TSHZ3: variants seen among roughly 807,000 people sequenced by gnomAD.
The protein encoded by TSHZ3 is teashirt zinc finger homeobox 3.
A neutral mutation model predicts 64.5 loss-of-function variants in TSHZ3; 10 were observed. The ratio of observed to expected loss-of-function variants is 0.16; its 90% CI spans 0.10 to 0.26. TSHZ3 has a LOEUF of 0.26. TSHZ3 is among the 10% of genes least tolerant of loss of function. The pLI, the probability that TSHZ3 is intolerant of heterozygous loss-of-function variation, is 1.00. For synonymous variants in TSHZ3, 608 were observed against 593.1 expected (o/e 1.03, Z -0.36); for missense variants, 1,242 against 1,421.7 (o/e 0.87, Z 2.03).
At chr19:31,305,210 T>A (rs1028596541) in intron 1 of TSHZ3, among the ~76,000 whole-genome samples, 3 of 151,224 alleles carry the variant, frequency 2.0e-5, no homozygotes, top group African/African-American at 7.3e-5. Flanking sequence ...ACACCACAAA[T>A]CTGACTATTA....
At chr19:31,311,809 C>T (rs1245413209) in intron 1 of TSHZ3, among the ~76,000 whole-genome samples, 2 of 152,140 alleles carry the variant, frequency 1.3e-5, no homozygotes, top group Non-Finnish European at 2.9e-5. Flanking sequence ...CTGCAGCCTC[C>T]ACCTCCCGGG....
intron 1 of TSHZ3, among the ~76,000 whole-genome samples, chr19:31,249,602 G>A (rs1468743292): frequency 1.3e-5 from 2 of 152,170 alleles, no homozygotes; most frequent in South Asian, 2.1e-4. Flanking sequence ...GAATTCCTCA[G>A]GCAGTTTAAC....
intron 1 of TSHZ3, among the ~76,000 whole-genome samples, chr19:31,337,415 G>A (rs1917281850): frequency 6.6e-6 from 1 of 152,304 alleles, no homozygotes; most frequent in South Asian, 2.1e-4. Context: ...CAGTAAAAAT[G>A]GGATGATGGC....
At chr19:31,226,580 C>T (rs1188340124) in intron 4 of TSHZ3, among the ~76,000 whole-genome samples, 3 of 152,098 alleles carry the variant, frequency 2.0e-5, no homozygotes, top group East Asian at 1.9e-4. Flanking sequence ...TTATCAGCAG[C>T]GTGAAAATGG....
At chr19:31,347,620 G>C (rs2021556191) in intron 1 of TSHZ3, among the ~76,000 whole-genome samples, 1 of 152,138 alleles carries the variant, frequency 6.6e-6, no homozygotes, top group Non-Finnish European at 1.5e-5. Flanking sequence ...GCAAGCTCCA[G>C]GAGGTTAACT....
At chr19:31,284,716 A>C (rs1344850076) in intron 1 of TSHZ3, among the ~76,000 whole-genome samples, 1 of 152,130 alleles carries the variant, frequency 6.6e-6, no homozygotes, top group Admixed American at 6.5e-5. Flanking sequence ...TTGTCCCCTT[A>C]TCCATGGGGA....
At chr19:31,259,881 T>C (rs967853995) in intron 1 of TSHZ3, among the ~76,000 whole-genome samples, 1 of 151,960 alleles carries the variant, frequency 6.6e-6, no homozygotes, top group Non-Finnish European at 1.5e-5. Context: ...ACTAGGAAAA[T>C]CCTTAGAGAA....
At chr19:31,180,280 C>A (rs1487856211) in intron 5 of TSHZ3, among the ~76,000 whole-genome samples, 2 of 152,150 alleles carry the variant, frequency 1.3e-5, no homozygotes, top group Non-Finnish European at 2.9e-5. Context: ...GAGTCTGTGA[C>A]TTCCAGTCCT....
At chr19:31,256,688 C>G (rs1180293749) in intron 1 of TSHZ3, among the ~76,000 whole-genome samples, 1 of 152,236 alleles carries the variant, frequency 6.6e-6, no homozygotes, top group Admixed American at 6.5e-5. Context: ...GAACAGCCCT[C>G]CATTCAGAGG....
At chr19:31,226,097 C>T (rs1039626829) in intron 4 of TSHZ3, among the ~76,000 whole-genome samples, 2 of 151,446 alleles carry the variant, frequency 1.3e-5, no homozygotes, top group African/African-American at 4.9e-5. Context: ...CTGCACTTCA[C>T]CCTGGGCAAC....
rs1315875795 is a variant in TSHZ3 at position 31,349,421 on chromosome 19, G to C, written c.-202C>G. Reference sequence around the variant, plus strand: ...CCGCGCTCCGCCGCGAACCCCGAACGTGCGGAGGGAAGAAGGAGGGCGGGC... The same window carrying C: ...CCGCGCTCCGCCGCGAACCCCGAACCTGCGGAGGGAAGAAGGAGGGCGGGC... On this transcript the variant is annotated 5_prime_UTR_variant, in exon 1 of 2. Transcript: ENST00000240587. 9.7e-6 allele frequency: 4 copies of C among 412,364 alleles called. No individual in the cohort carries two copies. Among genetic ancestry groups the C allele is most frequent in the African/African-American group, 2.1e-5 (1 of 47,546 alleles). 25.5% of individuals were successfully genotyped at this position (412,364 alleles called of 1,614,324 possible). A position where few individuals can be genotyped will look rare whatever the true frequency, so the allele number is the denominator to read the frequency against.
chr19:31,230,869 T>G (rs1975531001), intron 3 of TSHZ3, among the ~76,000 whole-genome samples: 1 of 151,464 alleles, frequency 6.6e-6, no homozygotes, highest in Non-Finnish European at 1.5e-5. Flanking sequence ...GCGGCTAATT[T>G]TTTTTTGTAT....
intron 4 of TSHZ3, among the ~76,000 whole-genome samples, chr19:31,219,811 A>C (rs551223540): frequency 6.7e-6 from 1 of 149,298 alleles, no homozygotes; most frequent in East Asian, 1.9e-4. Context: ...ATATATGTAT[A>C]TATATAAAAA....
chr19:31,256,492 ACTGT>A (rs1485843701), intron 1 of TSHZ3, among the ~76,000 whole-genome samples: 2 of 152,166 alleles, frequency 1.3e-5, no homozygotes, highest in Non-Finnish European at 2.9e-5. Flanking sequence ...CTCGGGAGTG[ACTGT>A]CTGTGCCTGG....
chr19:31,265,397 CAAAAAAAAAAAAA>C (rs11432951), intron 1 of TSHZ3, among the ~76,000 whole-genome samples: 1 of 34,280 alleles, frequency 2.9e-5, no homozygotes, highest in African/African-American at 1.2e-4. Flanking sequence ...AACTCTGTCT[CAAAAAAAAAAAAA>C]AAAAAAAAAA....
chr19:31,150,395 A>G (rs1246695446), exon 7 of TSHZ3, among the ~76,000 whole-genome samples: 2 of 152,226 alleles, frequency 1.3e-5, no homozygotes, highest in African/African-American at 2.4e-5. Context: ...CAAAGTCTTC[A>G]TGAGGTTCAA....
intron 1 of TSHZ3, among the ~76,000 whole-genome samples, chr19:31,341,387 G>T (rs1917428437): frequency 6.6e-6 from 1 of 152,054 alleles, no homozygotes; most frequent in South Asian, 2.1e-4. Flanking sequence ...GTGCACAGAG[G>T]CCTGATGGGG....
intron 1 of TSHZ3, among the ~76,000 whole-genome samples, chr19:31,339,753 A>G (rs1917368655): frequency 6.6e-6 from 1 of 151,798 alleles, no homozygotes; most frequent in African/African-American, 2.4e-5. Flanking sequence ...GAGGCCTGGG[A>G]AATCGTACTC....
intron 1 of TSHZ3, among the ~76,000 whole-genome samples, chr19:31,292,675 T>G (rs565190406): frequency 6.8e-6 from 1 of 147,966 alleles, no homozygotes; most frequent in African/African-American, 2.5e-5. Context: ...ATCCATCCAT[T>G]GAAAGACTTA....
Sources: gnomAD v4.1 joint callset for allele counts (sites outside exome capture counted in the v4.1 genomes callset) on GRCh38, gnomAD v4.1.1 for gene constraint, MANE v1.5 for transcripts, NCBI Gene and HGNC (gene_info 2026-07-23, HGNC 2026-07-21) for gene names.